The following PHF21B variants were observed in gnomAD, a reference collection of about 807,000 sequenced individuals.
The protein encoded by PHF21B is PHD finger protein 4.
A neutral mutation model predicts 62.2 loss-of-function variants in PHF21B; 22 were observed. That is an observed-to-expected ratio of 0.35 (90% CI 0.25 to 0.51). The LOEUF is 0.51. Ranked by LOEUF, PHF21B falls within the 20% of genes least tolerant of loss-of-function variation. The pLI, the probability that PHF21B is intolerant of heterozygous loss-of-function variation, is 0.97. For synonymous variants in PHF21B, 341 were observed against 314.7 expected (o/e 1.08, Z -0.88); for missense variants, 701 against 707.9 (o/e 0.99, Z 0.11).
At chr22:44,992,615 T>TC (rs2073059015) in intron 2 of PHF21B, among the ~76,000 whole-genome samples, 1 of 152,132 alleles carries the variant, frequency 6.6e-6, no homozygotes, top group African/African-American at 2.4e-5. Flanking sequence ...AGAGCCAGGG[T>TC]CCCCACCAAC....
chr22:44,994,320 T>C (rs578162630), intron 2 of PHF21B, among the ~76,000 whole-genome samples: 1 of 152,226 alleles, frequency 6.6e-6, no homozygotes, highest in South Asian at 2.1e-4. Flanking sequence ...CTGGCGAGCT[T>C]ATAAGACAAG....
intron 2 of PHF21B, among the ~76,000 whole-genome samples, chr22:45,007,394 G>C (rs977963258): frequency 6.6e-6 from 1 of 151,028 alleles, no homozygotes; most frequent in Non-Finnish European, 1.5e-5. Context: ...GGGAGGGGGC[G>C]TCCGATCCGG....
At chr22:44,958,214 C>A (rs1047549562) in intron 2 of PHF21B, among the ~76,000 whole-genome samples, 25 of 152,120 alleles carry the variant, frequency 1.6e-4, no homozygotes, top group African/African-American at 5.1e-4. Flanking sequence ...CATCCCTGGG[C>A]ATTTTGAGTG....
At chr22:45,001,460 C>T (rs1389302236) in intron 2 of PHF21B, among the ~76,000 whole-genome samples, 3 of 152,226 alleles carry the variant, frequency 2.0e-5, no homozygotes, top group Non-Finnish European at 4.4e-5. Context: ...ATCGTCCCAT[C>T]TGCCACCTGG....
At chr22:44,898,284 G>A (rs990211659) in intron 5 of PHF21B, among the ~76,000 whole-genome samples, 3 of 152,016 alleles carry the variant, frequency 2.0e-5, no homozygotes, top group Non-Finnish European at 4.4e-5. Flanking sequence ...TATTTTCCTC[G>A]TAAGTGGGCT....
intron 2 of PHF21B, among the ~76,000 whole-genome samples, chr22:44,941,229 C>T (rs1314493410): frequency 2.6e-5 from 4 of 152,330 alleles, no homozygotes; most frequent in Middle Eastern, 3.4e-3. Context: ...CAGTCAGCAA[C>T]ACCCAGAGGG....
intron 2 of PHF21B, among the ~76,000 whole-genome samples, chr22:44,967,527 T>C (rs1601656656): frequency 6.6e-6 from 1 of 152,132 alleles, no homozygotes; most frequent in Admixed American, 6.5e-5. Flanking sequence ...GGCCAGTCTT[T>C]TACTTTTTAA....
intron 5 of PHF21B, chr22:44,902,294 C>T (rs113949473): frequency 3.6e-4 from 104 of 286,316 alleles, no homozygotes; most frequent in African/African-American, 5.4e-4. Flanking sequence ...TACAGGGCAG[C>T]GCAAGGTTGA....
At chr22:44,955,179 C>T (rs2072271606) in intron 2 of PHF21B, among the ~76,000 whole-genome samples, 2 of 152,206 alleles carry the variant, frequency 1.3e-5, no homozygotes, top group African/African-American at 4.8e-5. Context: ...ACAGCAACAC[C>T]ACCAGCCCCA....
chr22:44,977,628 G>C (rs1380511396), intron 2 of PHF21B, among the ~76,000 whole-genome samples: 1 of 151,970 alleles, frequency 6.6e-6, no homozygotes, highest in East Asian at 1.9e-4. Context: ...ACCCAGGCTG[G>C]AGTGCAGTGG....
At chr22:44,926,308 G>C (rs906255850) in intron 2 of PHF21B, among the ~76,000 whole-genome samples, 10 of 152,368 alleles carry the variant, frequency 6.6e-5, no homozygotes, top group African/African-American at 2.2e-4. Context: ...CAGGTTCCCC[G>C]TAAGTGTGTG....
chr22:44,936,888 C>CTTTTTTTTTTT (rs2071860930), intron 2 of PHF21B, among the ~76,000 whole-genome samples: 1 of 30,516 alleles, frequency 3.3e-5, no homozygotes, highest in Non-Finnish European at 7.0e-5. Context: ...TTTTTTTTTC[C>CTTTTTTTTTTT]TGAGATGGAG....
At chr22:44,897,809 T>C (rs1218794993) in intron 5 of PHF21B, among the ~76,000 whole-genome samples, 1 of 152,128 alleles carries the variant, frequency 6.6e-6, no homozygotes, top group African/African-American at 2.4e-5. Flanking sequence ...TGGATTTCTT[T>C]AGTCTTTTTG....
chr22:44,956,574 A>G (rs775948738), intron 2 of PHF21B, among the ~76,000 whole-genome samples: 7 of 152,234 alleles, frequency 4.6e-5, no homozygotes, highest in Non-Finnish European at 1.0e-4. Context: ...GATTTATCAC[A>G]CATTATGGGA....
At chr22:44,944,756 C>T (rs191784215) in intron 2 of PHF21B, among the ~76,000 whole-genome samples, 1 of 152,348 alleles carries the variant, frequency 6.6e-6, no homozygotes, top group East Asian at 1.9e-4. Flanking sequence ...GACCGAGCTC[C>T]TGATGAGTGA....
At chr22:44,911,233 G>A (rs1038014467) in intron 5 of PHF21B, among the ~76,000 whole-genome samples, 3 of 152,214 alleles carry the variant, frequency 2.0e-5, no homozygotes, top group African/African-American at 7.2e-5. Context: ...TTCAGAAAAT[G>A]TGCAGCCTGA....
intron 2 of PHF21B, among the ~76,000 whole-genome samples, chr22:44,939,657 CGAG>C (rs1481242233): frequency 5.3e-5 from 8 of 152,096 alleles, no homozygotes; most frequent in Non-Finnish European, 1.5e-5. Context: ...CCAGCATCAA[CGAG>C]GAGACCAGGA....
chr22:44,923,666 T>C (rs992069889), intron 2 of PHF21B, among the ~76,000 whole-genome samples: 3 of 152,020 alleles, frequency 2.0e-5, no homozygotes, highest in Non-Finnish European at 4.4e-5. Context: ...AACTCAATAA[T>C]CTGAAAACAA....
At chr22:44,892,488 G>C (rs891119840) in intron 7 of PHF21B, among the ~76,000 whole-genome samples, 2 of 152,218 alleles carry the variant, frequency 1.3e-5, no homozygotes, top group Admixed American at 1.3e-4. Flanking sequence ...CATGGATTCT[G>C]GGCAGTGGCC....
Sources: allele counts gnomAD v4.1 joint callset (sites outside exome capture counted in the v4.1 genomes callset), GRCh38; gene constraint gnomAD v4.1.1; transcripts MANE v1.5; gene names NCBI Gene and HGNC (gene_info 2026-07-23, HGNC 2026-07-21).